Variants in PADI4 observed in about 807,000 individuals in gnomAD.
PADI4 encodes the protein peptidyl arginine deiminase 4, also known as protein-arginine deiminase type-4.
In PADI4, 62 loss-of-function variants were observed where a neutral mutation model predicts 75.0. That is an observed-to-expected ratio of 0.83 (90% confidence interval 0.67 to 1.02). The LOEUF (loss-of-function observed/expected upper bound fraction) is 1.02. PADI4 is among the 50% of genes least tolerant of loss of function. The probability of loss-of-function intolerance (pLI) is 0.00; values close to 1 mark genes in which losing one functional copy is unlikely to be tolerated. For missense variants in PADI4, 845 were observed against 850.5 expected (o/e 0.99, Z 0.08); for synonymous variants, 361 against 348.1 (o/e 1.04, Z -0.41).
intron 8 of PADI4, among the ~76,000 whole-genome samples, chr1:17,344,248 T>C (rs1020259214): frequency 2.0e-5 from 3 of 152,180 alleles, no homozygotes; most frequent in African/African-American, 7.2e-5. Context: ...ATTTAGGGTA[T>C]CTGGCAGAAG....
chr1:17,319,913 G>A (rs1432221193), intron 1 of PADI4, among the ~76,000 whole-genome samples: 2 of 152,134 alleles, frequency 1.3e-5, no homozygotes, highest in African/African-American at 2.4e-5. Flanking sequence ...TACTATGTAC[G>A]AAAAAACCTT....
chr1:17,353,821 A>G (rs2074711614), intron 10 of PADI4, among the ~76,000 whole-genome samples: 1 of 152,182 alleles, frequency 6.6e-6, no homozygotes, highest in Non-Finnish European at 1.5e-5. Flanking sequence ...GGCTATTAGA[A>G]GCTGAAAAAG....
rs1490732675 is a variant in PADI4 at position 17,352,009 on chromosome 1, G to T, written c.1156-2524G>T. 7.5e-4 allele frequency among the ~76,000 whole-genome samples: 25 copies of T among 33,174 alleles called. 1 individual carries two copies. Among genetic ancestry groups the T allele is most frequent in the African/African-American group, 4.5e-3 (21 of 4,698 alleles). 21.8% of individuals were successfully genotyped at this position (33,174 alleles called of 152,430 possible). ...GGAGAGGCAGTCAGGGAGGTGATGG[G>T]AGGAGAGGCGGCCAGGGAGGTGATG... On this transcript the variant is annotated intron_variant, in intron 10 of 15. Coordinates refer to ENST00000375448, the MANE Select transcript of PADI4 (RefSeq NM_012387.3).
chr1:17,361,862 T>C (rs1205126837), intron 15 of PADI4, among the ~76,000 whole-genome samples: 1 of 152,240 alleles, frequency 6.6e-6, no homozygotes, highest in Non-Finnish European at 1.5e-5. Flanking sequence ...GTCATTTATC[T>C]GTCTAGTCAA....
intron 1 of PADI4, among the ~76,000 whole-genome samples, chr1:17,317,459 C>T (rs1202482611): frequency 2.0e-5 from 3 of 150,884 alleles, no homozygotes; most frequent in Non-Finnish European, 3.0e-5. Context: ...TTAGTACAGA[C>T]GGGGATTCAC....
intron 1 of PADI4, among the ~76,000 whole-genome samples, chr1:17,313,492 C>A (rs1040840357): frequency 1.5e-5 from 1 of 66,594 alleles, no homozygotes; most frequent in Non-Finnish European, 2.7e-5. Context: ...CAGTGCAAGA[C>A]CTTGTCAAAA....
At chr1:17,334,206 A>C in intron 3 of PADI4, 197 bp downstream of exon 3, 1 of 582,630 alleles carries the variant, frequency 1.7e-6, no homozygotes, top group Non-Finnish European at 3.2e-6. Context: ...AAGAAATACA[A>C]TGTGGCAGTG....
chr1:17,354,412 C>A (rs1235613764), intron 10 of PADI4, 121 bp from the exon 11 acceptor site: 4 of 807,056 alleles, frequency 5.0e-6, no homozygotes, highest in Non-Finnish European at 8.6e-6. Context: ...CTGCTATGTG[C>A]CAGCTGTAGA....
At chr1:17,334,405 C>A in intron 3 of PADI4, 1 of 460,966 alleles carries the variant, frequency 2.2e-6, no homozygotes, top group Admixed American at 2.4e-5. Flanking sequence ...CAGGTTCAAG[C>A]GATCCTCCTG....
chr1:17,356,306 G>T lies in PADI4; in HGVS notation c.1456-51G>T. On this transcript the variant is annotated intron_variant, in intron 12 of 15. Transcript: ENST00000375448. The surrounding 1 kb of genome is among the most constrained non-coding windows in gnomAD (Gnocchi z 4.1). ...CACCCTCAGCAGATCCACCCTCGTTGGGAGCTCCAGGGGCAAAGCTGACTT... is the reference window on the plus strand; with the variant it reads ...CACCCTCAGCAGATCCACCCTCGTTTGGAGCTCCAGGGGCAAAGCTGACTT... 1 of 1,392,640 alleles carries T rather than the reference G, an allele frequency of 7.2e-7. No individual in the cohort carries two copies. The highest frequency in any genetic ancestry group is 9.9e-7 in the Non-Finnish European group (1 of 1,012,234). 86.3% of individuals were successfully genotyped at this position (1,392,640 alleles called of 1,614,324 possible). A position where few individuals can be genotyped will look rare whatever the true frequency, so the allele number is the denominator to read the frequency against.
chr1:17,314,654 T>C (rs1374646031), intron 1 of PADI4, among the ~76,000 whole-genome samples: 2 of 152,208 alleles, frequency 1.3e-5, no homozygotes, highest in East Asian at 3.9e-4. Context: ...GAGAGGTCAG[T>C]GGCTAGGCCA....
chr1:17,336,865 A>C (rs1014306830), intron 4 of PADI4, among the ~76,000 whole-genome samples: 6 of 152,190 alleles, frequency 3.9e-5, no homozygotes, highest in Non-Finnish European at 5.9e-5. Flanking sequence ...CTAGGAGTAG[A>C]ATCTGTCCCT....
chr1:17,352,624 A>C (rs1192377285), intron 10 of PADI4, among the ~76,000 whole-genome samples: 1 of 152,152 alleles, frequency 6.6e-6, no homozygotes, highest in Non-Finnish European at 1.5e-5. Context: ...TGAGAGAGGC[A>C]AGCCAAAGCT....
chr1:17,336,067 C>T, intron 3 of PADI4, 92 bp from the exon 4 acceptor site: 1 of 819,768 alleles, frequency 1.2e-6, no homozygotes, highest in Non-Finnish European at 2.1e-6. Context: ...GCACACAGTC[C>T]CCTGGGGAAA....
At position 17,346,258 on chromosome 1, in the gene PADI4, G is replaced by A. The variant is rs2074514727; in HGVS notation, c.1047+119G>A. 1.6e-6 allele frequency: 1 copy of A among 637,144 alleles called. No homozygotes were observed. The allele number at this position is 637,144 out of a possible 1,614,324, so 39.5% of individuals were successfully genotyped here. A position where few individuals can be genotyped will look rare whatever the true frequency, so the allele number is the denominator to read the frequency against. On this transcript the variant is annotated intron_variant, in intron 9 of 15. Transcript: ENST00000375448. This position sits in a 1 kb window ranked among gnomAD's most constrained non-coding sequence, Gnocchi z 4.3. Reference sequence around the variant, plus strand: ...CCGGCCACTCTTCCTTAGATGGACAGGGAGATAGGAACCTGAGAGATCCTT... The same window carrying A: ...CCGGCCACTCTTCCTTAGATGGACAAGGAGATAGGAACCTGAGAGATCCTT...
intron 15 of PADI4, among the ~76,000 whole-genome samples, chr1:17,363,205 ACCTCCTGGGCTCAAGTGAT>A (rs1363739712): frequency 6.6e-6 from 1 of 152,070 alleles, no homozygotes; most frequent in African/African-American, 2.4e-5. Flanking sequence ...TGCAGCCTTG[ACCTCCTGGGCTCAAGTGAT>A]CCTCCTCCCT....
intron 14 of PADI4, 63 bp from the exon 15 acceptor site, chr1:17,359,217 T>TGCCCCC: frequency 5.2e-5 from 34 of 647,744 alleles, no homozygotes; most frequent in East Asian, 6.1e-5. Context: ...CCCCACACTG[T>TGCCCCC]CCCCCACCCC....
rs1484019479 is a variant in PADI4, at chr1:17,342,386, G to C, written c.919G>C (p.Glu307Gln). Residue 307 changes from glutamate to glutamine, a missense_variant, in exon 8 of 16, where the codon GAG (glutamate) becomes CAG (glutamine). Physicochemically the swap from Glu to Gln is conservative, Grantham distance 29. Transcript: ENST00000375448. ...IMTPNTQPPQ[E>Q]VYACSIFENE... ...GACCCCCAACACCCAGCCCCCGCAG[G>C]AGGTGTACGCGTGCAGGTGAGAGGT... is the stretch of plus-strand genomic sequence containing the variant. The C allele has an allele frequency of 6.2e-7, 1 of 1,612,434 alleles. No homozygotes were observed. Among genetic ancestry groups the C allele is most frequent in the Non-Finnish European group, 8.5e-7 (1 of 1,178,470 alleles).
At chr1:17,336,502 T>A (rs529969633) in intron 4 of PADI4, among the ~76,000 whole-genome samples, 48 of 152,282 alleles carry the variant, frequency 3.2e-4, no homozygotes, top group African/African-American at 1.0e-3. Flanking sequence ...AGGAAATTCG[T>A]GGGCAGGTCT....
Sources: gnomAD v4.1 joint callset for allele counts (sites outside exome capture counted in the v4.1 genomes callset) on GRCh38, gnomAD v4.1.1 for gene constraint, Gnocchi (gnomAD v3.1) non-coding constraint, MANE v1.5 for transcripts, NCBI Gene and HGNC (gene_info 2026-07-23, HGNC 2026-07-21) for gene names.